CCDC148: variants seen among roughly 807,000 people sequenced by gnomAD.
CCDC148 encodes coiled-coil domain containing 148.
CCDC148 carries 89 observed loss-of-function variants against 85.7 expected under a neutral mutation model. The observed-to-expected ratio is 1.04, with a 90% CI of 0.87 to 1.24. CCDC148 has a LOEUF of 1.24. Ranked by LOEUF, CCDC148 falls within the 50% of genes most tolerant of loss-of-function variation. CCDC148 has a pLI of 0.00. For synonymous variants in CCDC148, 230 were observed against 213.9 expected (o/e 1.08, Z -0.66); for missense variants, 692 against 671.7 (o/e 1.03, Z -0.33).
chr2:158,235,163 G>T (rs1181983223), intron 10 of CCDC148, among the ~76,000 whole-genome samples: 1 of 152,068 alleles, frequency 6.6e-6, no homozygotes, highest in Non-Finnish European at 1.5e-5. Flanking sequence ...AACTACAAAA[G>T]TATATTGTGT....
chr2:158,257,451 C>T (rs1194810570), intron 9 of CCDC148, among the ~76,000 whole-genome samples: 1 of 151,756 alleles, frequency 6.6e-6, no homozygotes, highest in Non-Finnish European at 1.5e-5. Context: ...TTCAATATTA[C>T]CTACCTAAGC....
intron 10 of CCDC148, among the ~76,000 whole-genome samples, chr2:158,249,743 C>G (rs991325037): frequency 6.6e-6 from 1 of 152,092 alleles, no homozygotes; most frequent in African/African-American, 2.4e-5. Flanking sequence ...TCCTTTACCT[C>G]TACATATTCA....
chr2:158,326,724 C>T (rs548425970), intron 7 of CCDC148, among the ~76,000 whole-genome samples: 1 of 152,000 alleles, frequency 6.6e-6, no homozygotes. Flanking sequence ...AAACAATACT[C>T]ATATGGTTCA....
chr2:158,355,173 C>T (rs901761438), intron 2 of CCDC148, among the ~76,000 whole-genome samples: 10 of 151,654 alleles, frequency 6.6e-5, no homozygotes, highest in Non-Finnish European at 1.0e-4. Flanking sequence ...TGGCACAAGA[C>T]AGGGATGCCC....
intron 1 of CCDC148, among the ~76,000 whole-genome samples, chr2:158,438,006 C>T (rs369371644): frequency 2.6e-3 from 395 of 152,256 alleles, no homozygotes; most frequent in Non-Finnish European, 3.4e-3. Flanking sequence ...CATTCCATGC[C>T]CATGGGTAGG....
intron 1 of CCDC148, among the ~76,000 whole-genome samples, chr2:158,422,503 C>A (rs535593568): frequency 9.2e-5 from 14 of 151,996 alleles, no homozygotes; most frequent in Non-Finnish European, 1.5e-5. Context: ...TCTCAATAGA[C>A]GCAGAAAAGG....
At chr2:158,431,439 C>CA (rs892290916) in intron 1 of CCDC148, among the ~76,000 whole-genome samples, 6 of 146,086 alleles carry the variant, frequency 4.1e-5, no homozygotes, top group Non-Finnish European at 6.0e-5. Context: ...CTATACAAGT[C>CA]AAAAAAAATG....
chr2:158,176,396 A>C (rs1684587279), intron 13 of CCDC148, 125 bp downstream of exon 13: 3 of 894,904 alleles, frequency 3.4e-6, no homozygotes, highest in Non-Finnish European at 4.9e-6. Flanking sequence ...AGAAGTAAAA[A>C]TTATGCTAAT....
At chr2:158,367,764 T>C (rs1684266070) in intron 1 of CCDC148, among the ~76,000 whole-genome samples, 1 of 152,198 alleles carries the variant, frequency 6.6e-6, no homozygotes, top group Non-Finnish European at 1.5e-5. Flanking sequence ...CTGACCTGCA[T>C]ACTTTAATCG....
At chr2:158,250,495 C>A (rs1349913882) in intron 10 of CCDC148, among the ~76,000 whole-genome samples, 3 of 145,022 alleles carry the variant, frequency 2.1e-5, no homozygotes, top group Non-Finnish European at 4.5e-5. Context: ...GATTTAACAA[C>A]TGTCACAACC....
intron 1 of CCDC148, among the ~76,000 whole-genome samples, chr2:158,395,035 C>G (rs374266299): frequency 4.3e-4 from 66 of 152,078 alleles, no homozygotes; most frequent in Non-Finnish European, 9.1e-4. Context: ...GAAAAAAGAA[C>G]ATTAATTTTC....
chr2:158,245,161 T>C (rs1023337424), intron 10 of CCDC148, among the ~76,000 whole-genome samples: 1 of 152,216 alleles, frequency 6.6e-6, no homozygotes, highest in Non-Finnish European at 1.5e-5. Context: ...TACAGTCCTT[T>C]AACCTGCATT....
In CCDC148 at chr2:158,307,037, T is replaced by A. The variant is rs964736639; in HGVS notation, c.1110+2396A>T. Reference sequence around the variant, plus strand: ...CCATCTCAAAAAAAAAAAAAAATAGTTATTTTACTATATATAACATATCTC... The same window carrying A: ...CCATCTCAAAAAAAAAAAAAAATAGATATTTTACTATATATAACATATCTC... On this transcript the variant is annotated intron_variant, in intron 9 of 13. Transcript: ENST00000283233. Among the ~76,000 whole-genome samples the A allele has an allele frequency of 6.6e-5, 10 of 150,496 alleles. No individual in the cohort carries two copies. The South Asian group carries it at 1.5e-3, about 22-fold the overall frequency.
At chr2:158,341,192 A>T (rs1682671346) in intron 3 of CCDC148, among the ~76,000 whole-genome samples, 1 of 152,150 alleles carries the variant, frequency 6.6e-6, no homozygotes, top group African/African-American at 2.4e-5. Flanking sequence ...ATGAGCTTAT[A>T]TATGTATACA....
At chr2:158,455,113 TG>T in intron 1 of CCDC148, among the ~76,000 whole-genome samples, 1 of 152,318 alleles carries the variant, frequency 6.6e-6, no homozygotes, top group South Asian at 2.1e-4. Context: ...GCAAAATCAT[TG>T]GTATCTTTTC....
intron 11 of CCDC148, among the ~76,000 whole-genome samples, chr2:158,204,643 C>T (rs769618040): frequency 6.6e-6 from 1 of 152,114 alleles, no homozygotes; most frequent in Non-Finnish European, 1.5e-5. Flanking sequence ...CCCTCCCCTG[C>T]CATTCAAGTC....
At chr2:158,434,049 CCTAT>C (rs975148243) in intron 1 of CCDC148, among the ~76,000 whole-genome samples, 1 of 152,220 alleles carries the variant, frequency 6.6e-6, no homozygotes, top group Admixed American at 6.5e-5. Context: ...GGGGGCACAG[CCTAT>C]CTGAGCAAAA....
At chr2:158,266,451 C>T (rs1689456968) in intron 9 of CCDC148, among the ~76,000 whole-genome samples, 1 of 152,130 alleles carries the variant, frequency 6.6e-6, no homozygotes, top group African/African-American at 2.4e-5. Flanking sequence ...GTTGAAAATA[C>T]ACCCACATTC....
chr2:158,298,203 T>C (rs1036542852), intron 9 of CCDC148, among the ~76,000 whole-genome samples: 3 of 152,166 alleles, frequency 2.0e-5, no homozygotes, highest in African/African-American at 7.2e-5. Context: ...TATTTCCACC[T>C]GGTCCCTCCC....
Sources: allele counts gnomAD v4.1 joint callset (sites outside exome capture counted in the v4.1 genomes callset), GRCh38; gene constraint gnomAD v4.1.1; transcripts MANE v1.5; gene names NCBI Gene and HGNC (gene_info 2026-07-23, HGNC 2026-07-21).